The following DPYD variants were observed in gnomAD, a reference collection of about 807,000 sequenced individuals.
DPYD encodes dihydropyrimidine dehydrogenase.
Under a neutral mutation model 116.2 loss-of-function variants are expected in DPYD, and 109 were observed. The ratio of observed to expected loss-of-function variants is 0.94; its 90% CI spans 0.80 to 1.10. The LOEUF (loss-of-function observed/expected upper bound fraction) is 1.10. Ranked by LOEUF, DPYD falls within the 50% of genes least tolerant of loss-of-function variation. DPYD has a pLI of 0.00. For synonymous variants in DPYD, 440 were observed against 432.0 expected, an observed-to-expected ratio of 1.02 and a Z score of -0.23; for missense variants, 1,302 against 1,254.5, an observed-to-expected ratio of 1.04 and a Z score of -0.57.
intron 10 of DPYD, among the ~76,000 whole-genome samples, chr1:97,592,726 A>G (rs1307192229): frequency 6.6e-6 from 1 of 152,234 alleles, no homozygotes; most frequent in African/African-American, 2.4e-5. Context: ...ATATTAGAGC[A>G]CTTTAAAAAT....
chr1:97,343,330 A>G (rs1402139249), intron 16 of DPYD, among the ~76,000 whole-genome samples: 1 of 152,146 alleles, frequency 6.6e-6, no homozygotes, highest in South Asian at 2.1e-4. Context: ...AAGATTGCCA[A>G]CTGAAATTAC....
chr1:97,649,265 C>G (rs796706449), intron 8 of DPYD, among the ~76,000 whole-genome samples: 5 of 152,074 alleles, frequency 3.3e-5, no homozygotes, highest in African/African-American at 1.2e-4. Flanking sequence ...AGATTTTCAG[C>G]TACATAAGGA....
At chr1:97,901,841 A>G (rs1430800604) in intron 1 of DPYD, among the ~76,000 whole-genome samples, 1 of 151,864 alleles carries the variant, frequency 6.6e-6, no homozygotes, top group African/African-American at 2.4e-5. Context: ...ATTGTAAAAA[A>G]ATCACAGATG....
At chr1:97,435,385 T>G (rs1164421588) in intron 14 of DPYD, among the ~76,000 whole-genome samples, 1 of 151,960 alleles carries the variant, frequency 6.6e-6, no homozygotes, top group African/African-American at 2.4e-5. Flanking sequence ...ATATCCCACA[T>G]AGTAAAATTT....
At chr1:97,301,858 C>G (rs1666886706) in intron 18 of DPYD, among the ~76,000 whole-genome samples, 1 of 151,678 alleles carries the variant, frequency 6.6e-6, no homozygotes, top group Admixed American at 6.6e-5. Flanking sequence ...TGATAGTAAT[C>G]ACTGATTTGG....
At chr1:97,377,319 A>C (rs1671691199) in intron 15 of DPYD, among the ~76,000 whole-genome samples, 1 of 152,152 alleles carries the variant, frequency 6.6e-6, no homozygotes, top group Admixed American at 6.5e-5. Flanking sequence ...AAAAAATAAA[A>C]GTAAATGACT....
intron 18 of DPYD, among the ~76,000 whole-genome samples, chr1:97,255,563 G>A (rs1337442983): frequency 6.6e-6 from 1 of 152,094 alleles, no homozygotes; most frequent in African/African-American, 2.4e-5. Context: ...TTTGCCTTCT[G>A]TCATGATTGT....
intron 16 of DPYD, among the ~76,000 whole-genome samples, chr1:97,346,898 T>G (rs1316489857): frequency 6.6e-6 from 1 of 151,904 alleles, no homozygotes; most frequent in Admixed American, 6.6e-5. Flanking sequence ...TGTTAAGTGC[T>G]TAGAACAATG....
chr1:97,112,677 C>T (rs1182718777), intron 20 of DPYD, among the ~76,000 whole-genome samples: 1 of 152,094 alleles, frequency 6.6e-6, no homozygotes, highest in African/African-American at 2.4e-5. Context: ...CCCGTGATTT[C>T]CATAGATTAT....
chr1:97,477,618 T>C (rs986195396), intron 13 of DPYD, among the ~76,000 whole-genome samples: 5 of 143,882 alleles, frequency 3.5e-5, no homozygotes, highest in Non-Finnish European at 6.1e-5. Context: ...TTTTTTTTTT[T>C]TTTTTTTTTT....
intron 18 of DPYD, 47 bp from the exon 19 acceptor site, chr1:97,235,041 GT>G: frequency 6.2e-7 from 1 of 1,609,728 alleles, no homozygotes; most frequent in Non-Finnish European, 8.5e-7. Flanking sequence ...GACCACTTGA[GT>G]ATACTGTCTT....
At chr1:97,316,352 A>C (rs1049010553) in intron 16 of DPYD, among the ~76,000 whole-genome samples, 97 of 150,722 alleles carry the variant, frequency 6.4e-4, no homozygotes, top group Non-Finnish European at 4.7e-4. Context: ...GAAAAAAAAA[A>C]ACAAAAAAAC....
In DPYD at chr1:97,541,821, ATTCT is replaced by A. The variant is rs1650470899; in HGVS notation, c.1524+7735_1524+7738del. Among the ~76,000 whole-genome samples the A allele has an allele frequency of 2.0e-5, 3 of 152,170 alleles. No homozygotes were observed. The South Asian group carries it at 6.2e-4, about 31-fold the overall frequency. ...GCTATAGTCATTCTTTCAGTTACAAATTCTTTCTTTAGGTACACTGTCAAAATTA... is the reference window on the plus strand; with the variant it reads ...GCTATAGTCATTCTTTCAGTTACAAATTCTTTAGGTACACTGTCAAAATTA... On this transcript the variant is annotated intron_variant, in intron 12 of 22. Coordinates refer to ENST00000370192, the MANE Select transcript of DPYD (RefSeq NM_000110.4).
At chr1:97,509,315 G>C (rs920087756) in intron 13 of DPYD, among the ~76,000 whole-genome samples, 1 of 152,008 alleles carries the variant, frequency 6.6e-6, no homozygotes, top group African/African-American at 2.4e-5. Context: ...GAGGCAGGCA[G>C]AGCCTTGAAA....
intron 8 of DPYD, among the ~76,000 whole-genome samples, chr1:97,608,268 C>T (rs540649046): frequency 1.3e-5 from 2 of 152,020 alleles, no homozygotes; most frequent in South Asian, 2.1e-4. Flanking sequence ...ATAAAAGGGA[C>T]ATAACTTAAT....
At chr1:97,585,070 C>G (rs1055737842) in intron 10 of DPYD, among the ~76,000 whole-genome samples, 7 of 151,880 alleles carry the variant, frequency 4.6e-5, no homozygotes, top group Non-Finnish European at 8.8e-5. Context: ...TTCATATTAA[C>G]TTAAAGTCTT....
intron 10 of DPYD, among the ~76,000 whole-genome samples, chr1:97,591,383 T>G (rs1031040788): frequency 3.5e-4 from 53 of 152,330 alleles, no homozygotes; most frequent in African/African-American, 1.3e-3. Context: ...CATGAGGGCA[T>G]GAAATTCTAA....
chr1:97,414,109 A>G (rs1046658528), intron 14 of DPYD, among the ~76,000 whole-genome samples: 1 of 152,164 alleles, frequency 6.6e-6, no homozygotes, highest in Non-Finnish European at 1.5e-5. Context: ...AAAACAAAAC[A>G]AAAAAACTAA....
chr1:97,677,895 A>C (rs1660228839), intron 8 of DPYD, among the ~76,000 whole-genome samples: 1 of 152,198 alleles, frequency 6.6e-6, no homozygotes, highest in Non-Finnish European at 1.5e-5. Flanking sequence ...TGCAAAACAA[A>C]CATTACTCAG....
Sources: gnomAD v4.1 joint callset for allele counts (sites outside exome capture counted in the v4.1 genomes callset) on GRCh38, gnomAD v4.1.1 for gene constraint, MANE v1.5 for transcripts, NCBI Gene and HGNC (gene_info 2026-07-23, HGNC 2026-07-21) for gene names.